ADCK1: variants seen among roughly 807,000 people sequenced by gnomAD.
ADCK1 encodes the protein aarF domain containing kinase 1, also known as aarF domain-containing protein kinase 1.
Under a neutral mutation model 52.3 loss-of-function variants are expected in ADCK1, and 41 were observed. The observed-to-expected ratio is 0.78, with a 90% CI of 0.61 to 1.02. ADCK1 has a LOEUF of 1.02. Ranked by LOEUF, ADCK1 falls within the 50% of genes least tolerant of loss-of-function variation. ADCK1 has a pLI of 0.00. For synonymous variants in ADCK1, 250 were observed against 274.6 expected (o/e 0.91, Z 0.89); for missense variants, 658 against 679.5 (o/e 0.97, Z 0.35).
intron 1 of ADCK1, among the ~76,000 whole-genome samples, chr14:77,804,850 A>G (rs2081185359): frequency 6.6e-6 from 1 of 152,114 alleles, no homozygotes; most frequent in South Asian, 2.1e-4. Context: ...TACTTTATAC[A>G]TCCTCTGTGT....
intron 6 of ADCK1, among the ~76,000 whole-genome samples, chr14:77,906,364 C>A (rs2083665082): frequency 6.6e-6 from 1 of 152,340 alleles, no homozygotes; most frequent in African/African-American, 2.4e-5. Flanking sequence ...AGTAACCCCT[C>A]CCTCCTGGCT....
At chr14:77,910,896 G>T (rs2083776581) in intron 7 of ADCK1, among the ~76,000 whole-genome samples, 1 of 152,204 alleles carries the variant, frequency 6.6e-6, no homozygotes, top group African/African-American at 2.4e-5. Context: ...GGTCTGTGCA[G>T]AGCAGATCCT....
intron 4 of ADCK1, among the ~76,000 whole-genome samples, chr14:77,882,177 C>T (rs1191893302): frequency 6.6e-6 from 1 of 152,184 alleles, no homozygotes; most frequent in Non-Finnish European, 1.5e-5. Flanking sequence ...TCTCTCCAAC[C>T]ACTTCCATTA....
At chr14:77,925,712 C>T (rs1454439940) in intron 8 of ADCK1, 52 bp from the exon 9 acceptor site, 10 of 1,583,756 alleles carry the variant, frequency 6.3e-6, no homozygotes, top group African/African-American at 2.7e-5. Flanking sequence ...GGGACTTGGG[C>T]CTTTGGTGGG....
intron 7 of ADCK1, among the ~76,000 whole-genome samples, chr14:77,918,269 A>G (rs1441261748): frequency 6.6e-6 from 1 of 152,220 alleles, no homozygotes; most frequent in African/African-American, 2.4e-5. Flanking sequence ...TGGACAGGAA[A>G]ACCACCACCA....
At chr14:77,816,450 T>C (rs1459530725) in intron 1 of ADCK1, among the ~76,000 whole-genome samples, 1 of 151,130 alleles carries the variant, frequency 6.6e-6, no homozygotes, top group African/African-American at 2.4e-5. Context: ...CTCCCTAGAG[T>C]AGGTTCTGCC....
At chr14:77,914,214 G>A (rs1221715623) in intron 7 of ADCK1, 2 of 165,832 alleles carry the variant, frequency 1.2e-5, no homozygotes. Context: ...GTAGCTCCCT[G>A]CAGCAAACAC....
intron 4 of ADCK1, among the ~76,000 whole-genome samples, chr14:77,884,020 G>A (rs1033453831): frequency 6.6e-6 from 1 of 152,154 alleles, no homozygotes; most frequent in African/African-American, 2.4e-5. Flanking sequence ...CTCCCTGTGG[G>A]GTGCTCTTGG....
chr14:77,849,184 C>G (rs889957882), intron 3 of ADCK1, among the ~76,000 whole-genome samples: 1 of 152,190 alleles, frequency 6.6e-6, no homozygotes, highest in Non-Finnish European at 1.5e-5. Flanking sequence ...AGGGGATACT[C>G]TCATCTCTGG....
chr14:77,875,257 T>C (rs1403656784), intron 4 of ADCK1, among the ~76,000 whole-genome samples: 1 of 151,476 alleles, frequency 6.6e-6, no homozygotes, highest in Non-Finnish European at 1.5e-5. Context: ...GAGGTGGAGG[T>C]GCCACAGTCA....
At chr14:77,864,414 T>A (rs2082619166) in intron 4 of ADCK1, among the ~76,000 whole-genome samples, 1 of 152,156 alleles carries the variant, frequency 6.6e-6, no homozygotes, top group Non-Finnish European at 1.5e-5. Flanking sequence ...AGGACCAGCA[T>A]GAACAAGGCA....
intron 7 of ADCK1, among the ~76,000 whole-genome samples, chr14:77,909,301 A>C (rs771631016): frequency 3.3e-5 from 5 of 151,508 alleles, no homozygotes; most frequent in Non-Finnish European, 5.9e-5. Context: ...ATGCCTGGCT[A>C]ATTTTGTATT....
rs185315287 is a variant in ADCK1, at chr14:77,854,808, A to C, written c.220-4268A>C. ...TCCTGACCTCAGGTGATCCACCTGC[A>C]TTGGCTCCCCAAAGTGCTGGGATTA... On this transcript the variant is annotated intron_variant, in intron 3 of 10. Transcript: ENST00000238561. 2.0e-4 allele frequency among the ~76,000 whole-genome samples: 31 copies of C among 152,176 alleles called. 1 individual carries two copies. The East Asian group carries it at 5.0e-3, about 25-fold the overall frequency.
intron 8 of ADCK1, among the ~76,000 whole-genome samples, chr14:77,925,111 A>G (rs1022487361): frequency 5.3e-5 from 8 of 152,222 alleles, no homozygotes; most frequent in Non-Finnish European, 1.2e-4. Context: ...TTCACTGCCA[A>G]TCTGGGCCCC....
intron 5 of ADCK1, among the ~76,000 whole-genome samples, chr14:77,898,626 C>T (rs1379995937): frequency 6.6e-6 from 1 of 151,998 alleles, no homozygotes; most frequent in Non-Finnish European, 1.5e-5. Flanking sequence ...GAACAACACA[C>T]CTGGGGCCTG....
chr14:77,876,118 C>T (rs1435494587), intron 4 of ADCK1, among the ~76,000 whole-genome samples: 1 of 152,238 alleles, frequency 6.6e-6, no homozygotes, highest in Non-Finnish European at 1.5e-5. Flanking sequence ...AGTCAACACA[C>T]ATTTATTATC....
In ADCK1 at chr14:77,816,881, AATATAT is replaced by A. The variant is rs71128689; in HGVS notation, c.-11-2070_-11-2065del. ...CACCATCTCCAGGTAGTAGATGGTA[AATATAT>A]ATATATATATATATATTTAAAAAAT... On this transcript the variant is annotated intron_variant, in intron 1 of 10. Transcript: ENST00000238561. 2.5e-4 allele frequency among the ~76,000 whole-genome samples: 27 copies of A among 110,028 alleles called. 1 individual carries two copies. Among genetic ancestry groups the A allele is most frequent in the Non-Finnish European group, 3.0e-4 (15 of 49,738 alleles). 72.2% of individuals were successfully genotyped at this position (110,028 alleles called of 152,430 possible). A position where few individuals can be genotyped will look rare whatever the true frequency, so the allele number is the denominator to read the frequency against.
At chr14:77,815,305 A>G (rs1368489914) in intron 1 of ADCK1, among the ~76,000 whole-genome samples, 1 of 150,088 alleles carries the variant, frequency 6.7e-6, no homozygotes, top group East Asian at 1.9e-4. Flanking sequence ...TCCTAGGCTC[A>G]AGGGATCCTC....
chr14:77,927,739 A>T (rs550253606), intron 9 of ADCK1, among the ~76,000 whole-genome samples: 1 of 152,332 alleles, frequency 6.6e-6, no homozygotes, highest in East Asian at 1.9e-4. Flanking sequence ...TGAAGGACAC[A>T]TTCCAGGCAC....
Sources: allele counts gnomAD v4.1 joint callset (sites outside exome capture counted in the v4.1 genomes callset), GRCh38; gene constraint gnomAD v4.1.1; transcripts MANE v1.5; gene names NCBI Gene and HGNC (gene_info 2026-07-23, HGNC 2026-07-21).